The following ODF2L variants were observed in gnomAD, a reference collection of about 807,000 sequenced individuals.
ODF2L encodes protein BCAP.
Under a neutral mutation model 86.3 loss-of-function variants are expected in ODF2L, and 76 were observed. The observed-to-expected ratio is 0.88, with a 90% CI of 0.73 to 1.07. ODF2L has a LOEUF of 1.07. Ranked by LOEUF, ODF2L falls within the 50% of genes least tolerant of loss-of-function variation. The pLI is 0.00. For missense variants in ODF2L, 748 were observed against 717.4 expected, an observed-to-expected ratio of 1.04 and a Z score of -0.49; for synonymous variants, 241 against 231.3, an observed-to-expected ratio of 1.04 and a Z score of -0.38.
At chr1:86,392,335 A>G (rs1035870196) in intron 1 of ODF2L, among the ~76,000 whole-genome samples, 2 of 152,168 alleles carry the variant, frequency 1.3e-5, no homozygotes, top group African/African-American at 4.8e-5. Context: ...ACTACTAGCC[A>G]CCTACCCAGA....
intron 1 of ODF2L, among the ~76,000 whole-genome samples, chr1:86,388,208 T>C (rs945622498): frequency 1.1e-4 from 16 of 152,030 alleles, no homozygotes; most frequent in African/African-American, 3.9e-4. Flanking sequence ...TCTATTACAA[T>C]GGTATAACAA....
intron 1 of ODF2L, among the ~76,000 whole-genome samples, chr1:86,394,840 C>CTTTTTTTTTTTTTTTTTTTTT (rs33996151): frequency 3.1e-5 from 4 of 129,312 alleles, no homozygotes; most frequent in African/African-American, 5.8e-5. Context: ...TTTCTTTTTC[C>CTTTTTTTTTTTTTTTTTTTTT]TTTTTTTTTT....
At chr1:86,375,627 T>C (rs1162434774) in intron 8 of ODF2L, among the ~76,000 whole-genome samples, 1 of 152,196 alleles carries the variant, frequency 6.6e-6, no homozygotes, top group Non-Finnish European at 1.5e-5. Flanking sequence ...ATTTGTACTA[T>C]ACCAAAGATA....
At chr1:86,390,359 G>T (rs1170713046) in intron 1 of ODF2L, among the ~76,000 whole-genome samples, 1 of 152,136 alleles carries the variant, frequency 6.6e-6, no homozygotes, top group Non-Finnish European at 1.5e-5. Flanking sequence ...GGCGGAGGTT[G>T]CAGTGAGCCA....
intron 8 of ODF2L, 96 bp downstream of exon 8, chr1:86,376,132 TAAGAA>T: frequency 3.3e-6 from 2 of 606,788 alleles, no homozygotes; most frequent in Non-Finnish European, 5.3e-6. Flanking sequence ...TTAACAGCAT[TAAGAA>T]AAGAATAAAA....
chr1:86,367,569 A>C (rs560231035), intron 11 of ODF2L, among the ~76,000 whole-genome samples: 21 of 151,826 alleles, frequency 1.4e-4, no homozygotes, highest in East Asian at 7.7e-4. Context: ...AAAAAAAACA[A>C]AACAACAACA....
intron 12 of ODF2L, among the ~76,000 whole-genome samples, chr1:86,359,565 C>A: frequency 7.0e-6 from 1 of 142,322 alleles, no homozygotes; most frequent in East Asian, 2.0e-4. Flanking sequence ...CTCTGTTGCC[C>A]AGGCTGGGAG....
chr1:86,355,789 T>C (rs1346469025), intron 14 of ODF2L, among the ~76,000 whole-genome samples: 3 of 152,148 alleles, frequency 2.0e-5, no homozygotes, highest in Non-Finnish European at 4.4e-5. Flanking sequence ...CAGTATTTTT[T>C]TTTGCAAAAT....
rs565373661 is a variant in ODF2L at position 86,373,900 on chromosome 1, G to C, written c.811-1360C>G. Among the ~76,000 whole-genome samples, 9 of 152,248 alleles carry C rather than the reference G, an allele frequency of 5.9e-5. No individual in the cohort carries two copies. In the South Asian group the frequency reaches 1.0e-3, roughly 18 times the overall value. ...GAGGTAGGGATTTTTATCTGCTTTTGTTCATGGCTATATTTCTAGGGCCTT... is the reference window on the plus strand; with the variant it reads ...GAGGTAGGGATTTTTATCTGCTTTTCTTCATGGCTATATTTCTAGGGCCTT... On this transcript the variant is annotated intron_variant, in intron 8 of 17. Coordinates refer to ENST00000317336, the Ensembl canonical transcript of ODF2L.
intron 2 of ODF2L, chr1:86,386,690 G>T: frequency 2.5e-6 from 1 of 406,368 alleles, no homozygotes; most frequent in Non-Finnish European, 4.3e-6. Context: ...GCCCGGCCAG[G>T]TTTTCATTTT....
At position 86,352,313 on chromosome 1, in the gene ODF2L, T is replaced by C. The variant is rs922882237; in HGVS notation, c.1894-105A>G. 2.0e-5 allele frequency: 26 copies of C among 1,305,658 alleles called. No homozygotes were observed. In the South Asian group the frequency reaches 2.6e-4, roughly 13 times the overall value. The allele number at this position is 1,305,658 out of a possible 1,614,324, so 80.9% of individuals were successfully genotyped here. A position where few individuals can be genotyped will look rare whatever the true frequency, so the allele number is the denominator to read the frequency against. ...TAGCTTTCAGAATATTCTATGCCAA[T>C]TGACTGTTTCATGAGTATTCAGGAA... On this transcript the variant is annotated intron_variant, in intron 17 of 17. Coordinates refer to ENST00000317336, the Ensembl canonical transcript of ODF2L.
exon 18 of ODF2L, chr1:86,350,574 G>A (rs1658057984): frequency 6.6e-6 from 1 of 152,144 alleles, no homozygotes; most frequent in African/African-American, 2.4e-5. Flanking sequence ...GTGTGCATGT[G>A]TCTCTATAGC....
intron 11 of ODF2L, among the ~76,000 whole-genome samples, chr1:86,364,804 G>A (rs533521774): frequency 4.6e-5 from 7 of 152,128 alleles, no homozygotes; most frequent in Non-Finnish European, 1.0e-4. Context: ...AAAAGCTAAA[G>A]AGCCACATCA....
chr1:86,372,014 T>A, intron 9 of ODF2L, among the ~76,000 whole-genome samples: 1 of 151,768 alleles, frequency 6.6e-6, no homozygotes, highest in Non-Finnish European at 1.5e-5. Context: ...GGTGAAACCC[T>A]GTCTCTACTA....
chr1:86,385,569 A>G (rs1244985768), exon 3 of ODF2L: 1 of 1,611,922 alleles, frequency 6.2e-7, no homozygotes, highest in South Asian at 1.1e-5. Flanking sequence ...CAGTCTTTTC[A>G]TTTAGAATGT....
exon 18 of ODF2L, chr1:86,352,093 T>C (rs1658176906): frequency 1.4e-6 from 2 of 1,412,704 alleles, no homozygotes; most frequent in Non-Finnish European, 9.2e-7. Flanking sequence ...AAACTTTTGA[T>C]GGCAATAAAA....
At chr1:86,389,604 C>T (rs1459942881) in intron 1 of ODF2L, among the ~76,000 whole-genome samples, 1 of 146,606 alleles carries the variant, frequency 6.8e-6, no homozygotes, top group African/African-American at 2.5e-5. Flanking sequence ...AAACAAAAAG[C>T]TGGTCCTTTG....
In ODF2L at chr1:86,394,643, C is replaced by T. The variant is rs182592005; in HGVS notation, c.-60+1390G>A. On this transcript the variant is annotated intron_variant, in intron 1 of 17. Coordinates refer to ENST00000317336, the Ensembl canonical transcript of ODF2L. ...CAGACCGCGACCAGATCACTAAATTCCATTGTTCTAAAGTTTGTCACAAGG... is the reference window on the plus strand; with the variant it reads ...CAGACCGCGACCAGATCACTAAATTTCATTGTTCTAAAGTTTGTCACAAGG... 9.9e-4 allele frequency among the ~76,000 whole-genome samples: 151 copies of T among 152,142 alleles called. 1 individual carries two copies. The highest frequency in any genetic ancestry group is 1.5e-4 in the Non-Finnish European group (10 of 67,996).
chr1:86,362,794 G>C (rs1459457252), intron 11 of ODF2L, among the ~76,000 whole-genome samples: 1 of 152,102 alleles, frequency 6.6e-6, no homozygotes, highest in Non-Finnish European at 1.5e-5. Context: ...CCAGTAACTG[G>C]GATTACAGGT....
Sources: gnomAD v4.1 joint callset for allele counts (sites outside exome capture counted in the v4.1 genomes callset) on GRCh38, gnomAD v4.1.1 for gene constraint, MANE v1.5 for transcripts, NCBI Gene and HGNC (gene_info 2026-07-23, HGNC 2026-07-21) for gene names.